ROBO2: variants seen among roughly 807,000 people sequenced by gnomAD.
ROBO2 encodes roundabout guidance receptor 2, also known as roundabout homolog 2.
A neutral mutation model predicts 160.8 loss-of-function variants in ROBO2; 53 were observed. The ratio of observed to expected loss-of-function variants is 0.33; its 90% CI spans 0.26 to 0.41. The LOEUF (loss-of-function observed/expected upper bound fraction) is 0.41. ROBO2 is among the 10% of genes least tolerant of loss of function. The pLI is 1.00. For synonymous variants in ROBO2, 664 were observed against 611.7 expected, an observed-to-expected ratio of 1.09 and a Z score of -1.26; for missense variants, 1,577 against 1,722.4, an observed-to-expected ratio of 0.92 and a Z score of 1.49.
At chr3:77,491,403 G>A (rs1013600312) in intron 4 of ROBO2, among the ~76,000 whole-genome samples, 1 of 152,132 alleles carries the variant, frequency 6.6e-6, no homozygotes, top group African/African-American at 2.4e-5. Flanking sequence ...TGGATGAATA[G>A]CTGCGCCTGA....
intron 2 of ROBO2, among the ~76,000 whole-genome samples, chr3:76,183,683 A>G (rs1329002400): frequency 3.3e-5 from 5 of 152,090 alleles, no homozygotes; most frequent in Non-Finnish European, 7.4e-5. Context: ...AAATTTAAGG[A>G]TACACTCTAC....
At chr3:76,690,782 T>G (rs1160488094) in intron 2 of ROBO2, among the ~76,000 whole-genome samples, 1 of 152,130 alleles carries the variant, frequency 6.6e-6, no homozygotes, top group Non-Finnish European at 1.5e-5. Context: ...AGATATTATT[T>G]TACCAAATGA....
intron 2 of ROBO2, among the ~76,000 whole-genome samples, chr3:77,219,322 C>G (rs1368131813): frequency 1.3e-5 from 2 of 151,220 alleles, no homozygotes; most frequent in African/African-American, 4.9e-5. Context: ...TTTCATCCAT[C>G]TAGTAGTTCT....
intron 14 of ROBO2, among the ~76,000 whole-genome samples, chr3:77,575,134 C>G (rs1418569820): frequency 6.6e-6 from 1 of 152,072 alleles, no homozygotes; most frequent in Non-Finnish European, 1.5e-5. Flanking sequence ...CCACTTTTTC[C>G]TATGGGCACT....
intron 2 of ROBO2, among the ~76,000 whole-genome samples, chr3:76,144,821 T>A (rs550091193): frequency 6.6e-6 from 1 of 151,982 alleles, no homozygotes; most frequent in Admixed American, 6.6e-5. Flanking sequence ...TACATTTTCC[T>A]GAAAAGAGTT....
intron 2 of ROBO2, among the ~76,000 whole-genome samples, chr3:76,917,259 C>A (rs567829722): frequency 6.6e-6 from 1 of 152,160 alleles, no homozygotes; most frequent in Non-Finnish European, 1.5e-5. Context: ...GCACTAGGAT[C>A]ATTGCTATGT....
At position 77,200,689 on chromosome 3, in the gene ROBO2, A is replaced by G. The variant is rs567069728; in HGVS notation, c.388+102349A>G. The stretch of plus-strand genomic sequence containing the variant: ...TCTTAGTCACCATATGACTTTGGAC[A>G]ATGAAAATGAAAACAATCACAATGA... On this transcript the variant is annotated intron_variant, in intron 2 of 25. Transcript: ENST00000461745. 7.2e-5 allele frequency among the ~76,000 whole-genome samples: 11 copies of G among 152,246 alleles called. No individual in the cohort carries two copies. In the South Asian group the frequency reaches 1.7e-3, roughly 23 times the overall value.
chr3:76,302,661 G>A (rs1018134721), intron 2 of ROBO2, among the ~76,000 whole-genome samples: 3 of 152,048 alleles, frequency 2.0e-5, no homozygotes, highest in South Asian at 2.1e-4. Flanking sequence ...ATTGCCTAGA[G>A]TATCTAGTCC....
chr3:77,363,366 A>G (rs2070337633), intron 2 of ROBO2, among the ~76,000 whole-genome samples: 2 of 152,174 alleles, frequency 1.3e-5, no homozygotes, highest in African/African-American at 2.4e-5. Flanking sequence ...CAAAAAGAAA[A>G]TGATAGCTCA....
At chr3:76,381,553 G>C (rs961210955) in intron 2 of ROBO2, among the ~76,000 whole-genome samples, 1 of 152,094 alleles carries the variant, frequency 6.6e-6, no homozygotes, top group Non-Finnish European at 1.5e-5. Flanking sequence ...GTTTCACCAT[G>C]TTAGCCAGGG....
chr3:76,342,783 T>C (rs773007948), intron 2 of ROBO2, among the ~76,000 whole-genome samples: 2 of 152,098 alleles, frequency 1.3e-5, no homozygotes, highest in Admixed American at 6.6e-5. Flanking sequence ...CAGATTTATA[T>C]TAGAGGCCCA....
intron 2 of ROBO2, among the ~76,000 whole-genome samples, chr3:76,185,908 GATTC>G (rs1701738964): frequency 6.7e-6 from 1 of 149,584 alleles, no homozygotes; most frequent in African/African-American, 2.5e-5. Flanking sequence ...CAAAGGAATA[GATTC>G]ATTTCTCATT....
chr3:77,272,105 G>T (rs1014165131), intron 2 of ROBO2, among the ~76,000 whole-genome samples: 2 of 152,104 alleles, frequency 1.3e-5, no homozygotes, highest in African/African-American at 4.8e-5. Context: ...CAACCTTCTT[G>T]TCTGATCGTC....
intron 3 of ROBO2, among the ~76,000 whole-genome samples, chr3:77,479,315 G>A (rs1582310213): frequency 6.6e-6 from 1 of 152,134 alleles, no homozygotes; most frequent in Non-Finnish European, 1.5e-5. Context: ...TTCTTCTTTG[G>A]TGATTAATCT....
intron 2 of ROBO2, among the ~76,000 whole-genome samples, chr3:77,030,792 A>T (rs1279739784): frequency 6.6e-6 from 1 of 152,148 alleles, no homozygotes; most frequent in Non-Finnish European, 1.5e-5. Flanking sequence ...GGCTCATTCT[A>T]ATCCAGTATG....
chr3:76,723,945 A>G (rs1044682365), intron 2 of ROBO2, among the ~76,000 whole-genome samples: 3 of 152,110 alleles, frequency 2.0e-5, no homozygotes, highest in Admixed American at 1.3e-4. Flanking sequence ...TCTCCAAACT[A>G]TGTTTCCACA....
At chr3:77,011,862 C>T (rs2061942161) in intron 2 of ROBO2, among the ~76,000 whole-genome samples, 1 of 151,958 alleles carries the variant, frequency 6.6e-6, no homozygotes, top group Admixed American at 6.6e-5. Flanking sequence ...ATCCAGGTTT[C>T]AAAATCAATG....
chr3:77,305,496 G>A (rs1434033049), intron 2 of ROBO2, among the ~76,000 whole-genome samples: 1 of 152,190 alleles, frequency 6.6e-6, no homozygotes, highest in Non-Finnish European at 1.5e-5. Flanking sequence ...ATGTAAAAAG[G>A]ACAGAAGGAT....
At chr3:75,913,880 G>A (rs942998977) in intron 1 of ROBO2, among the ~76,000 whole-genome samples, 23 of 152,114 alleles carry the variant, frequency 1.5e-4, no homozygotes, top group African/African-American at 3.6e-4. Flanking sequence ...ACAAACATTC[G>A]TTGTGAATAT....
Sources: allele counts gnomAD v4.1 joint callset (sites outside exome capture counted in the v4.1 genomes callset), GRCh38; gene constraint gnomAD v4.1.1; transcripts MANE v1.5; gene names NCBI Gene and HGNC (gene_info 2026-07-23, HGNC 2026-07-21).